Variants in PEX5L observed in about 807,000 individuals in gnomAD.
PEX5L encodes the protein PEX5-related protein.
In PEX5L, 30 loss-of-function variants were observed where a neutral mutation model predicts 84.0. The ratio of observed to expected loss-of-function variants is 0.36; its 90% CI spans 0.27 to 0.48. The LOEUF (loss-of-function observed/expected upper bound fraction) is 0.48. Ranked by LOEUF, PEX5L falls within the 20% of genes least tolerant of loss-of-function variation. PEX5L has a pLI of 0.99. For missense variants in PEX5L, 533 were observed against 754.6 expected, an observed-to-expected ratio of 0.71 and a Z score of 3.44; for synonymous variants, 270 against 283.1, an observed-to-expected ratio of 0.95 and a Z score of 0.46.
intron 2 of PEX5L, among the ~76,000 whole-genome samples, chr3:179,961,033 T>G (rs1781862645): frequency 6.6e-6 from 1 of 152,216 alleles, no homozygotes; most frequent in South Asian, 2.1e-4. Context: ...GAATGAATGT[T>G]TTTTCTATTC....
At chr3:179,925,195 CTAA>C (rs1771058570) in intron 2 of PEX5L, among the ~76,000 whole-genome samples, 2 of 152,154 alleles carry the variant, frequency 1.3e-5, no homozygotes, top group South Asian at 4.1e-4. Context: ...TAAACTCTGC[CTAA>C]TGTTATTTTT....
At chr3:180,013,663 T>A (rs1323542593) in intron 1 of PEX5L, among the ~76,000 whole-genome samples, 1 of 152,142 alleles carries the variant, frequency 6.6e-6, no homozygotes, top group Non-Finnish European at 1.5e-5. Flanking sequence ...GTAGAACGCC[T>A]GGTATATGTA....
At chr3:179,855,679 G>A (rs1743659813) in intron 8 of PEX5L, among the ~76,000 whole-genome samples, 1 of 152,158 alleles carries the variant, frequency 6.6e-6, no homozygotes, top group African/African-American at 2.4e-5. Context: ...GCCTTTGGGA[G>A]GTGATTAGGT....
intron 2 of PEX5L, among the ~76,000 whole-genome samples, chr3:179,965,941 T>C (rs10937014): frequency 0.76 from 115,633 of 152,032 alleles, 44,266 homozygotes; most frequent in East Asian, 0.96. Context: ...TTCCCCCTTC[T>C]GTGTACAATA....
intron 2 of PEX5L, among the ~76,000 whole-genome samples, chr3:179,900,973 A>G (rs1456328149): frequency 1.3e-5 from 2 of 152,142 alleles, no homozygotes; most frequent in Non-Finnish European, 2.9e-5. Context: ...TTTCCCCCAA[A>G]TCAAATTGCC....
intron 1 of PEX5L, among the ~76,000 whole-genome samples, chr3:180,006,074 A>G (rs1184682961): frequency 6.6e-6 from 1 of 152,246 alleles, no homozygotes. Flanking sequence ...GACACAAAAA[A>G]GTACCCAGTT....
chr3:179,868,902 C>G (rs79606085), intron 7 of PEX5L, among the ~76,000 whole-genome samples: 237 of 151,340 alleles, frequency 1.6e-3, no homozygotes, highest in African/African-American at 5.6e-3. Flanking sequence ...GTCTTCGTTC[C>G]GAGGGCTCCT....
At chr3:179,981,287 C>T (rs979393867) in intron 1 of PEX5L, among the ~76,000 whole-genome samples, 4 of 151,952 alleles carry the variant, frequency 2.6e-5, no homozygotes, top group Non-Finnish European at 2.9e-5. Context: ...GGAGCCATTG[C>T]GGGGTTTTAA....
At chr3:179,952,937 A>C (rs907139898) in intron 2 of PEX5L, among the ~76,000 whole-genome samples, 1 of 152,182 alleles carries the variant, frequency 6.6e-6, no homozygotes, top group Non-Finnish European at 1.5e-5. Flanking sequence ...GAGGCCTCAG[A>C]AATAATGCCA....
chr3:179,857,482 T>C (rs549848458), intron 8 of PEX5L, among the ~76,000 whole-genome samples: 2 of 152,336 alleles, frequency 1.3e-5, no homozygotes, highest in Admixed American at 6.5e-5. Flanking sequence ...AGTGTTTTAA[T>C]AGAAAAAATT....
chr3:179,957,271 C>T (rs7613644), intron 2 of PEX5L, among the ~76,000 whole-genome samples: 115,674 of 152,070 alleles, frequency 0.76, 44,231 homozygotes, highest in East Asian at 0.96. Flanking sequence ...AGAAAGGTTT[C>T]ATATATACAT....
At chr3:179,999,007 A>G (rs897482560) in intron 1 of PEX5L, among the ~76,000 whole-genome samples, 1 of 152,234 alleles carries the variant, frequency 6.6e-6, no homozygotes, top group Non-Finnish European at 1.5e-5. Flanking sequence ...GAAAGACAGC[A>G]GTGAAAGGAA....
At position 179,875,416 on chromosome 3, in the gene PEX5L, C is replaced by T. The variant is rs1752023002; in HGVS notation, c.567G>A (p.Lys189=). The part of the protein sequence containing the change: ...DVKFHGDRNT[K]GHPMAERKSS... ...ATTTTCTCTCTGCCATTGGATGTCC[C>T]TTGGTATTTCGATCTCCATGAAACT... is the stretch of plus-strand genomic sequence containing the variant. Residue 189 remains lysine, a synonymous_variant, in exon 6 of 15, where the codon AAG becomes AAA. Transcript: ENST00000467460. The T allele has an allele frequency of 1.2e-6, 2 of 1,612,924 alleles. No homozygotes were observed. Among genetic ancestry groups the T allele is most frequent in the Non-Finnish European group, 1.7e-6 (2 of 1,179,116 alleles).
At chr3:179,875,710 TCTC>T (rs1752164591) in intron 5 of PEX5L, among the ~76,000 whole-genome samples, 1 of 152,198 alleles carries the variant, frequency 6.6e-6, no homozygotes, top group Admixed American at 6.5e-5. Context: ...TAAATAGAAA[TCTC>T]CTGTTAAGAT....
At chr3:179,935,448 C>A (rs1774318821) in intron 2 of PEX5L, among the ~76,000 whole-genome samples, 1 of 152,124 alleles carries the variant, frequency 6.6e-6, no homozygotes, top group South Asian at 2.1e-4. Flanking sequence ...TTATTTTCTA[C>A]CATTAGCATC....
chr3:179,948,551 G>T (rs1436454125), intron 2 of PEX5L, among the ~76,000 whole-genome samples: 1 of 152,196 alleles, frequency 6.6e-6, no homozygotes, highest in Admixed American at 6.5e-5. Context: ...AATACAATTA[G>T]ACGTGTGGAT....
intron 2 of PEX5L, among the ~76,000 whole-genome samples, chr3:179,942,540 T>C (rs1578756251): frequency 6.6e-6 from 1 of 152,228 alleles, no homozygotes; most frequent in East Asian, 1.9e-4. Context: ...GAATCTCCTT[T>C]ATCTTGAATT....
rs1019805515 is a variant in PEX5L, at chr3:179,945,189, C to G, written c.93+26405G>C. On this transcript the variant is annotated intron_variant, in intron 2 of 14. Coordinates refer to ENST00000467460, the MANE Select transcript of PEX5L (RefSeq NM_016559.3). ...TCACATCTCTAGCAACCAGAAGAAGCTGGCAGAATGGGGATTCTCAGCTTG... is the reference window on the plus strand; with the variant it reads ...TCACATCTCTAGCAACCAGAAGAAGGTGGCAGAATGGGGATTCTCAGCTTG... 5.8e-4 allele frequency among the ~76,000 whole-genome samples: 89 copies of G among 152,294 alleles called. 1 individual carries two copies. Among genetic ancestry groups the G allele is most frequent in the Non-Finnish European group, 8.5e-4 (58 of 68,024 alleles).
intron 2 of PEX5L, among the ~76,000 whole-genome samples, chr3:179,909,768 A>G (rs560658878): frequency 6.6e-6 from 1 of 152,210 alleles, no homozygotes; most frequent in East Asian, 1.9e-4. Flanking sequence ...TGGTATTCTT[A>G]TAAGAAAAGG....
Sources: gnomAD v4.1 joint callset for allele counts (sites outside exome capture counted in the v4.1 genomes callset) on GRCh38, gnomAD v4.1.1 for gene constraint, MANE v1.5 for transcripts, NCBI Gene and HGNC (gene_info 2026-07-23, HGNC 2026-07-21) for gene names.